APOL4: variants seen among roughly 807,000 people sequenced by gnomAD.
APOL4 encodes the protein apolipoprotein L4.
In APOL4, 14 loss-of-function variants were observed where a neutral mutation model predicts 12.1. The ratio of observed to expected loss-of-function variants is 1.16; its 90% CI spans 0.76 to 1.81. The LOEUF (loss-of-function observed/expected upper bound fraction) is 1.81, where lower values mean the gene tolerates loss of function less well. Ranked by LOEUF, APOL4 falls within the 40% of genes most tolerant of loss-of-function variation. The pLI is 0.00. For synonymous variants in APOL4, 171 were observed against 160.6 expected, an observed-to-expected ratio of 1.06 and a Z score of -0.49; for missense variants, 432 against 423.1, an observed-to-expected ratio of 1.02 and a Z score of -0.18.
chr22:36,195,133 C>T (rs1454817514), intron 3 of APOL4, 178 bp downstream of exon 3: 1 of 738,338 alleles, frequency 1.4e-6, no homozygotes, highest in South Asian at 2.2e-5. Flanking sequence ...AGCCTGAGGT[C>T]ACTCACTGCC....
chr22:36,192,444 T>C (rs2014286540), intron 3 of APOL4, among the ~76,000 whole-genome samples: 1 of 152,210 alleles, frequency 6.6e-6, no homozygotes, highest in South Asian at 2.1e-4. Context: ...GTTAAAGTCA[T>C]CTTCCGATGC....
upstream of APOL4, chr22:36,204,617 C>A: frequency 3.2e-6 from 2 of 625,000 alleles, no homozygotes; most frequent in Non-Finnish European, 2.4e-6. Context: ...GTCACACCAT[C>A]CCCAACTTAC....
In APOL4 at chr22:36,189,944, G is replaced by A. The variant is rs895962132; in HGVS notation, c.*1131C>T. 8.2e-5 allele frequency: 17 copies of A among 207,970 alleles called. No homozygotes were observed. The highest frequency in any genetic ancestry group is 3.5e-4 in the African/African-American group (15 of 43,234). 12.9% of individuals were successfully genotyped at this position (207,970 alleles called of 1,614,324 possible). Reference sequence around the variant, plus strand: ...AAATGTCTGCGTTTTGTCCCGGCCTGTGTCTGGCTCACCTTCCCTGGTGGC... The same window carrying A: ...AAATGTCTGCGTTTTGTCCCGGCCTATGTCTGGCTCACCTTCCCTGGTGGC... On this transcript the variant is annotated 3_prime_UTR_variant, in exon 4 of 4. Coordinates refer to ENST00000683024, the MANE Select transcript of APOL4 (RefSeq NM_001386885.1).
intron 2 of APOL4, chr22:36,197,788 T>A (rs1333586314): frequency 6.5e-7 from 1 of 1,550,198 alleles, no homozygotes; most frequent in Admixed American, 2.0e-5. Context: ...GGAGCTGCTG[T>A]AACCAGCTGT....
chr22:36,204,131 G>T (rs1007292846), upstream of APOL4, among the ~76,000 whole-genome samples: 1 of 152,174 alleles, frequency 6.6e-6, no homozygotes, highest in Non-Finnish European at 1.5e-5. Context: ...GACTCAGGGT[G>T]GGTGAGATGA....
At chr22:36,192,626 T>C (rs1258431123) in intron 3 of APOL4, among the ~76,000 whole-genome samples, 1 of 152,180 alleles carries the variant, frequency 6.6e-6, no homozygotes, top group African/African-American at 2.4e-5. Flanking sequence ...ATTAACTTTA[T>C]TAGAAGAGAG....
At position 36,189,888 on chromosome 22, in the gene APOL4, A is replaced by C. The variant is rs1027485234; in HGVS notation, c.*1187T>G. ...AAAGTTCCTAACACTGAGTTCCATA[A>C]ACTTTACCTCGCCCTCTTTATTCCC... is the stretch of plus-strand genomic sequence containing the variant. On this transcript the variant is annotated 3_prime_UTR_variant, in exon 4 of 4. Transcript: ENST00000683024. 1 of 159,068 alleles carries C rather than the reference A, an allele frequency of 6.3e-6. No individual in the cohort carries two copies. Among genetic ancestry groups the C allele is most frequent in the Non-Finnish European group, 1.4e-5 (1 of 71,922 alleles). 9.9% of individuals were successfully genotyped at this position (159,068 alleles called of 1,614,324 possible). A position where few individuals can be genotyped will look rare whatever the true frequency, so the allele number is the denominator to read the frequency against.
At chr22:36,199,181 C>T in intron 2 of APOL4, 149 bp downstream of exon 2, 1 of 1,107,892 alleles carries the variant, frequency 9.0e-7, no homozygotes, top group Non-Finnish European at 1.3e-6. Context: ...TCTCTTGGGG[C>T]TTGGGGCAGC....
chr22:36,195,562 G>T (rs750180653), intron 2 of APOL4, 125 bp from the exon 3 acceptor site: 4 of 1,083,000 alleles, frequency 3.7e-6, no homozygotes, highest in Admixed American at 4.5e-5. Context: ...TTTGATGGAG[G>T]CACCAGTGCT....
intron 2 of APOL4, chr22:36,197,392 G>T (rs556865973): frequency 4.4e-6 from 2 of 450,046 alleles, no homozygotes; most frequent in Non-Finnish European, 7.4e-6. Context: ...GGATTGTCTT[G>T]TTTTTTCTTT....
intron 1 of APOL4, chr22:36,201,462 G>C: frequency 2.2e-6 from 2 of 894,696 alleles, no homozygotes; most frequent in South Asian, 1.9e-5. Context: ...AGGGTAAAAG[G>C]GGGACCCAGT....
rs5756096 is a variant in APOL4, at chr22:36,190,341, G to T, written c.*734C>A. ...AAATTAAAATTGCTAATGAGGTTTCGGGCACCATTGTCATTGATAACATCT... is the reference window on the plus strand; with the variant it reads ...AAATTAAAATTGCTAATGAGGTTTCTGGCACCATTGTCATTGATAACATCT... On this transcript the variant is annotated 3_prime_UTR_variant, in exon 4 of 4. Coordinates refer to ENST00000683024, the MANE Select transcript of APOL4 (RefSeq NM_001386885.1). The T allele has an allele frequency of 5.3e-5, 8 of 152,130 alleles. No individual in the cohort carries two copies. The highest frequency in any genetic ancestry group is 5.9e-5 in the Non-Finnish European group (4 of 67,982). The allele number at this position is 152,130 out of a possible 1,614,324, so 9.4% of individuals were successfully genotyped here. A position where few individuals can be genotyped will look rare whatever the true frequency, so the allele number is the denominator to read the frequency against.
At chr22:36,204,127 G>T (rs2014663256), upstream of APOL4, among the ~76,000 whole-genome samples, 1 of 152,174 alleles carries the variant, frequency 6.6e-6, no homozygotes. Flanking sequence ...CTCAGACTCA[G>T]GGTGGGTGAG....
At chr22:36,202,067 A>G, upstream of APOL4, 1 of 1,613,798 alleles carries the variant, frequency 6.2e-7, no homozygotes, top group Non-Finnish European at 8.5e-7. Flanking sequence ...TTGGGCAGGA[A>G]AAGAGGGGTT....
chr22:36,203,775 A>G (rs536496710), upstream of APOL4, among the ~76,000 whole-genome samples: 1 of 152,338 alleles, frequency 6.6e-6, no homozygotes, highest in East Asian at 1.9e-4. Context: ...GGCTCTCTGC[A>G]GGGGGAAGCA....
chr22:36,191,985 T>G, intron 3 of APOL4, 73 bp from the exon 4 acceptor site: 2 of 1,243,862 alleles, frequency 1.6e-6, no homozygotes, highest in South Asian at 3.0e-5. Context: ...TAAGATCTAT[T>G]CTGCATAAAT....
At chr22:36,202,936 A>G (rs982795841), upstream of APOL4, among the ~76,000 whole-genome samples, 1 of 152,118 alleles carries the variant, frequency 6.6e-6, no homozygotes, top group Non-Finnish European at 1.5e-5. Context: ...TGACTCTGCT[A>G]TTGAAGAAAA....
chr22:36,197,940 C>A, intron 2 of APOL4: 1 of 1,385,640 alleles, frequency 7.2e-7, no homozygotes, highest in Non-Finnish European at 9.4e-7. Context: ...TTGTCCCACA[C>A]CCACCTGTGC....
chr22:36,200,028 C>G, intron 1 of APOL4, among the ~76,000 whole-genome samples: 1 of 151,736 alleles, frequency 6.6e-6, no homozygotes, highest in African/African-American at 2.4e-5. Flanking sequence ...AGGATGGTCT[C>G]GATCTCCTGA....
Sources: gnomAD v4.1 joint callset for allele counts (sites outside exome capture counted in the v4.1 genomes callset) on GRCh38, gnomAD v4.1.1 for gene constraint, MANE v1.5 for transcripts, NCBI Gene and HGNC (gene_info 2026-07-23, HGNC 2026-07-21) for gene names.